GRIN2B: variants seen among roughly 807,000 people sequenced by gnomAD.
GRIN2B encodes the protein glutamate receptor ionotropic, NMDA 2B.
Under a neutral mutation model 114.5 loss-of-function variants are expected in GRIN2B, and 5 were observed. That is an observed-to-expected ratio of 0.04 (90% CI 0.02 to 0.09). The LOEUF (loss-of-function observed/expected upper bound fraction) is 0.09. Ranked by LOEUF, GRIN2B falls within the 10% of genes least tolerant of loss-of-function variation. The pLI is 1.00. For missense variants in GRIN2B, 1,108 were observed against 1,943.5 expected, an observed-to-expected ratio of 0.57 and a Z score of 8.08; for synonymous variants, 787 against 745.1, an observed-to-expected ratio of 1.06 and a Z score of -0.92.
At chr12:13,573,978 C>T (rs892805631) in intron 10 of GRIN2B, among the ~76,000 whole-genome samples, 8 of 152,064 alleles carry the variant, frequency 5.3e-5, no homozygotes, top group African/African-American at 1.9e-4. Context: ...TAGAAGTTTT[C>T]GTTTGATTAT....
chr12:13,753,655 T>G lies in GRIN2B; in HGVS notation c.672A>C (p.Gln224His). 1.9e-6 allele frequency: 3 copies of G among 1,614,160 alleles called. No individual in the cohort carries two copies. Among genetic ancestry groups the G allele is most frequent in the Non-Finnish European group, 2.5e-6 (3 of 1,180,034 alleles). The change falls in exon 4 of 14, where the codon CAA becomes CAC. Residue 224 changes from glutamine to histidine, a missense_variant. By Grantham distance (24) the Gln-to-His change is conservative. Coordinates refer to ENST00000609686, the MANE Select transcript of GRIN2B (RefSeq NM_000834.5). The surrounding 1 kb of genome is among the most constrained non-coding windows in gnomAD (Gnocchi z 6.2). ...SKIQNQLKKL[Q>H]SPIILLYCTK... ...TACAGTAAAGAAGAATGATGGGGCT[T>G]TGAAGTTTCTTGAGCTGATTCTGGA... is the stretch of plus-strand genomic sequence containing the variant.
chr12:13,729,983 AT>A (rs5796557), intron 4 of GRIN2B, among the ~76,000 whole-genome samples: 53,086 of 142,292 alleles, frequency 0.37, 10,447 homozygotes, highest in East Asian at 0.61. Context: ...ATATACACCT[AT>A]TTTTTTTTTT....
intron 4 of GRIN2B, among the ~76,000 whole-genome samples, chr12:13,725,471 A>G (rs1487533179): frequency 6.6e-6 from 1 of 152,086 alleles, no homozygotes; most frequent in East Asian, 1.9e-4. Flanking sequence ...GCTAAGGCAT[A>G]TGGTCCCTGT....
rs199941557 is a variant in GRIN2B at position 13,564,447 on chromosome 12, C to T, written c.2791G>A (p.Val931Ile). 7 of 1,614,238 alleles carry T rather than the reference C, an allele frequency of 4.3e-6. No individual in the cohort carries two copies. In the East Asian group the frequency reaches 8.9e-5, roughly 21 times the overall value. The change falls in exon 14 of 14, where the codon GTC becomes ATC. Residue 931 changes from valine (V) to isoleucine (I), a missense_variant. Physicochemically the swap from Val to Ile is conservative, Grantham distance 29. Coordinates refer to ENST00000609686, the MANE Select transcript of GRIN2B (RefSeq NM_000834.5). The surrounding 1 kb of genome is among the most constrained non-coding windows in gnomAD (Gnocchi z 4.8). The part of the protein sequence containing the change: ...ALDFIRRESS[V>I]YDISEHRRSF... The stretch of plus-strand genomic sequence containing the variant: ...CGGCGGTGCTCTGAGATGTCATAGA[C>T]GGATGACTCCCGTCGGATGAAGTCC...
chr12:13,717,680 TA>T (rs1950468887), intron 4 of GRIN2B, among the ~76,000 whole-genome samples: 1 of 151,950 alleles, frequency 6.6e-6, no homozygotes, highest in Admixed American at 6.6e-5. Context: ...AAGGATTACC[TA>T]TCCCTTCCCC....
rs994102994 is a variant in GRIN2B at position 13,540,578 on chromosome 12, T to C, written c.*22205A>G. 4.7e-5 allele frequency: 7 copies of C among 150,430 alleles called. No homozygotes were observed. The highest frequency in any genetic ancestry group is 1.7e-4 in the African/African-American group (7 of 40,718). The allele number at this position is 150,430 out of a possible 1,614,324, so 9.3% of individuals were successfully genotyped here. A position where few individuals can be genotyped will look rare whatever the true frequency, so the allele number is the denominator to read the frequency against. On this transcript the variant is annotated 3_prime_UTR_variant, in exon 14 of 14. Transcript: ENST00000609686. ...TAAAGGTAAGTCATTTGCTTATATATATACTTGTAATTATTTTTTTCAAGT... is the reference window on the plus strand; with the variant it reads ...TAAAGGTAAGTCATTTGCTTATATACATACTTGTAATTATTTTTTTCAAGT...
chr12:13,689,514 T>G (rs908589784), intron 4 of GRIN2B, among the ~76,000 whole-genome samples: 17 of 152,106 alleles, frequency 1.1e-4, no homozygotes, highest in Non-Finnish European at 2.9e-5. Context: ...TCTTTTCTAC[T>G]CCCTAAATGT....
At chr12:13,910,586 G>A (rs1268643831) in intron 2 of GRIN2B, among the ~76,000 whole-genome samples, 3 of 152,066 alleles carry the variant, frequency 2.0e-5, no homozygotes, top group Non-Finnish European at 2.9e-5. Context: ...CAGGATTATT[G>A]CAAAGGTCTC....
intron 10 of GRIN2B, among the ~76,000 whole-genome samples, chr12:13,590,364 T>C (rs180985409): frequency 1.3e-5 from 2 of 152,256 alleles, no homozygotes; most frequent in East Asian, 3.9e-4. Context: ...GCATTAGGTA[T>C]TTTTCCTAAT....
At chr12:13,704,208 C>T (rs530549526) in intron 4 of GRIN2B, among the ~76,000 whole-genome samples, 2 of 152,146 alleles carry the variant, frequency 1.3e-5, no homozygotes, top group South Asian at 2.1e-4. Flanking sequence ...CATGGATGCT[C>T]AAGGGTAGGA....
intron 4 of GRIN2B, among the ~76,000 whole-genome samples, chr12:13,711,115 C>G (rs1950410488): frequency 1.3e-5 from 2 of 152,080 alleles, no homozygotes; most frequent in Non-Finnish European, 2.9e-5. Context: ...CTGACAAAAA[C>G]AAGAAATGGA....
chr12:13,680,435 GTTGTGTGTGT>G (rs754642010), intron 4 of GRIN2B, among the ~76,000 whole-genome samples: 13,865 of 116,368 alleles, frequency 0.12, 855 homozygotes, highest in Non-Finnish European at 0.17. Flanking sequence ...TCCCATCAAG[GTTGTGTGTGT>G]GTGTGTGTGT....
At chr12:13,712,304 C>A (rs974912489) in intron 4 of GRIN2B, among the ~76,000 whole-genome samples, 1 of 151,886 alleles carries the variant, frequency 6.6e-6, no homozygotes, top group African/African-American at 2.4e-5. Context: ...GAGTGCGGCA[C>A]ACCAACATGG....
intron 3 of GRIN2B, among the ~76,000 whole-genome samples, chr12:13,807,395 T>C (rs2136680073): frequency 6.6e-6 from 1 of 152,222 alleles, no homozygotes; most frequent in East Asian, 1.9e-4. Flanking sequence ...CTTTGTGCAC[T>C]AGCTCACTCG....
intron 2 of GRIN2B, among the ~76,000 whole-genome samples, chr12:13,921,385 C>A (rs2136812445): frequency 6.6e-6 from 1 of 152,256 alleles, no homozygotes; most frequent in African/African-American, 2.4e-5. Context: ...GCCTGGGTGA[C>A]AGGAGCAAGA....
chr12:13,720,783 C>T (rs1950501112), intron 4 of GRIN2B, among the ~76,000 whole-genome samples: 1 of 152,076 alleles, frequency 6.6e-6, no homozygotes, highest in African/African-American at 2.4e-5. Flanking sequence ...CTAAAGGAAA[C>T]ATCTTGGAGC....
chr12:13,895,674 G>A (rs1866340783), intron 2 of GRIN2B, among the ~76,000 whole-genome samples: 1 of 152,150 alleles, frequency 6.6e-6, no homozygotes. Flanking sequence ...ACAACATTAG[G>A]CTAGCTATCC....
At chr12:13,649,232 C>A (rs1244804807) in intron 5 of GRIN2B, among the ~76,000 whole-genome samples, 1 of 152,024 alleles carries the variant, frequency 6.6e-6, no homozygotes, top group Non-Finnish European at 1.5e-5. Flanking sequence ...AAGGAAGGAA[C>A]AAAGGCAGGC....
At chr12:13,778,543 G>A (rs1864047396) in intron 3 of GRIN2B, among the ~76,000 whole-genome samples, 1 of 152,126 alleles carries the variant, frequency 6.6e-6, no homozygotes, top group Non-Finnish European at 1.5e-5. Flanking sequence ...AAAGTCTGGG[G>A]GAATAACAGG....
Sources: gnomAD v4.1 joint callset for allele counts (sites outside exome capture counted in the v4.1 genomes callset) on GRCh38, gnomAD v4.1.1 for gene constraint, Gnocchi (gnomAD v3.1) non-coding constraint, MANE v1.5 for transcripts, NCBI Gene and HGNC (gene_info 2026-07-23, HGNC 2026-07-21) for gene names.